Variants in MAPK8 observed in about 807,000 individuals in gnomAD.
The protein encoded by MAPK8 is JUN N-terminal kinase.
Under a neutral mutation model 52.9 loss-of-function variants are expected in MAPK8, and 13 were observed. The ratio of observed to expected loss-of-function variants is 0.25; its 90% CI spans 0.16 to 0.39. MAPK8 has a LOEUF of 0.39. Ranked by LOEUF, MAPK8 falls within the 10% of genes least tolerant of loss-of-function variation. MAPK8 has a pLI of 1.00. For missense variants in MAPK8, 300 were observed against 519.2 expected, an observed-to-expected ratio of 0.58 and a Z score of 4.10; for synonymous variants, 191 against 169.8, an observed-to-expected ratio of 1.12 and a Z score of -0.97.
chr10:48,423,761 A>T (rs2043504691), intron 6 of MAPK8, among the ~76,000 whole-genome samples: 1 of 152,172 alleles, frequency 6.6e-6, no homozygotes, highest in Non-Finnish European at 1.5e-5. Flanking sequence ...TTTTATTTAC[A>T]AAGTTTGTGT....
At chr10:48,424,569 G>T (rs779762614) in intron 7 of MAPK8, 2 of 1,599,200 alleles carry the variant, frequency 1.3e-6, no homozygotes, top group African/African-American at 1.4e-5. Context: ...GTGGTGTTTT[G>T]TTCCCAGGTA....
At chr10:48,421,570 C>T (rs776995803) in intron 6 of MAPK8, among the ~76,000 whole-genome samples, 13 of 152,042 alleles carry the variant, frequency 8.6e-5, no homozygotes, top group African/African-American at 3.1e-4. Context: ...TTTGGGAGGC[C>T]GAGGCTCGTG....
chr10:48,420,013 G>A (rs113472862), intron 5 of MAPK8, 142 bp from the exon 6 acceptor site: 31 of 506,930 alleles, frequency 6.1e-5, no homozygotes, highest in South Asian at 2.6e-4. Context: ...GCCTTTTAAC[G>A]ATGAATCAGT....
chr10:48,391,688 T>C (rs1411320149), intron 1 of MAPK8, among the ~76,000 whole-genome samples: 1 of 152,130 alleles, frequency 6.6e-6, no homozygotes, highest in East Asian at 1.9e-4. Flanking sequence ...CTGACACTAG[T>C]TACCTGGAGA....
intron 6 of MAPK8, among the ~76,000 whole-genome samples, chr10:48,421,985 C>T (rs1338847344): frequency 6.7e-6 from 1 of 150,222 alleles, no homozygotes; most frequent in Non-Finnish European, 1.5e-5. Flanking sequence ...TTTAATGACA[C>T]CTCACACTCA....
At chr10:48,412,934 C>T (rs188088579) in intron 5 of MAPK8, among the ~76,000 whole-genome samples, 155 of 152,264 alleles carry the variant, frequency 1.0e-3, no homozygotes, top group Non-Finnish European at 2.0e-3. Context: ...ACCCACCAGA[C>T]AGTAATTCCC....
intron 7 of MAPK8, chr10:48,425,416 T>A (rs1199686656): frequency 2.2e-6 from 1 of 446,294 alleles, no homozygotes; most frequent in Non-Finnish European, 3.9e-6. Context: ...CCTTTATTTT[T>A]ATTACAACTG....
intron 10 of MAPK8, among the ~76,000 whole-genome samples, chr10:48,427,676 T>C (rs1468472403): frequency 1.3e-5 from 2 of 152,150 alleles, no homozygotes; most frequent in Non-Finnish European, 2.9e-5. Flanking sequence ...GTATTTTTAG[T>C]AGAGACAGGG....
chr10:48,409,835 A>G, intron 3 of MAPK8, 44 bp from the exon 4 acceptor site: 2 of 1,296,764 alleles, frequency 1.5e-6, no homozygotes, highest in Non-Finnish European at 2.2e-6. Context: ...TTAAAATATT[A>G]TGAAGTAATT....
chr10:48,391,189 G>C (rs2041602861), intron 1 of MAPK8, among the ~76,000 whole-genome samples: 1 of 152,166 alleles, frequency 6.6e-6, no homozygotes, highest in African/African-American at 2.4e-5. Flanking sequence ...AGTAGTAACA[G>C]GTGAGATTTG....
At chr10:48,341,509 A>G (rs1845258612) in intron 1 of MAPK8, among the ~76,000 whole-genome samples, 1 of 152,228 alleles carries the variant, frequency 6.6e-6, no homozygotes, top group African/African-American at 2.4e-5. Context: ...AAAAATTAGA[A>G]ATGAAACACT....
At chr10:48,356,446 G>C (rs1458980356) in intron 1 of MAPK8, among the ~76,000 whole-genome samples, 2 of 152,122 alleles carry the variant, frequency 1.3e-5, no homozygotes, top group African/African-American at 4.8e-5. Context: ...AGATTAAGTA[G>C]AAAACAACGT....
chr10:48,336,178 A>T (rs1385524107), intron 1 of MAPK8, among the ~76,000 whole-genome samples: 1 of 152,156 alleles, frequency 6.6e-6, no homozygotes, highest in African/African-American at 2.4e-5. Flanking sequence ...AAAAAAAAGA[A>T]CCACAGATTA....
chr10:48,405,672 T>G (rs2042425878), intron 3 of MAPK8, among the ~76,000 whole-genome samples: 1 of 152,238 alleles, frequency 6.6e-6, no homozygotes, highest in Non-Finnish European at 1.5e-5. Context: ...TTTCTTCAGT[T>G]GAGGAAATAA....
chr10:48,420,259 TG>T lies in MAPK8; in HGVS notation c.556del (p.Val186Ter). On this transcript the variant is annotated frameshift_variant, in exon 6 of 12. Transcript: ENST00000374189. LOFTEE classifies it high-confidence loss of function. ...AGTSFMMTPY[V>X]VTRYYRAPEV... is the part of the protein sequence containing the mutation. ...GAACGAGTTTTATGATGACGCCTTA[TG>T]TAGTGACTCGCTACTACAGAGCACC... 1 of 1,613,962 alleles carries T rather than the reference TG, an allele frequency of 6.2e-7. No individual in the cohort carries two copies. Among genetic ancestry groups the T allele is most frequent in the Non-Finnish European group, 8.5e-7 (1 of 1,179,870 alleles).
chr10:48,311,269 A>G (rs1451187968), intron 1 of MAPK8, among the ~76,000 whole-genome samples: 6 of 152,232 alleles, frequency 3.9e-5, no homozygotes, highest in Non-Finnish European at 5.9e-5. Flanking sequence ...TTTAATGCAC[A>G]GTGTCCATTC....
chr10:48,392,324 T>TAA (rs977485722), intron 1 of MAPK8, among the ~76,000 whole-genome samples: 4 of 152,158 alleles, frequency 2.6e-5, no homozygotes, highest in Non-Finnish European at 1.5e-5. Context: ...TTCTGTTTTC[T>TAA]GAGGCCTGGA....
At chr10:48,432,319 A>G (rs867146550) in intron 11 of MAPK8, among the ~76,000 whole-genome samples, 4 of 152,240 alleles carry the variant, frequency 2.6e-5, no homozygotes. Context: ...TACTATAAAC[A>G]TAATTGTTTA....
chr10:48,329,529 T>A (rs1426186125), intron 1 of MAPK8, among the ~76,000 whole-genome samples: 1 of 152,102 alleles, frequency 6.6e-6, no homozygotes, highest in Non-Finnish European at 1.5e-5. Context: ...AAAAAAAAAT[T>A]AAATTCATTT....
Sources: allele counts gnomAD v4.1 joint callset (sites outside exome capture counted in the v4.1 genomes callset), GRCh38; gene constraint gnomAD v4.1.1; transcripts MANE v1.5; gene names NCBI Gene and HGNC (gene_info 2026-07-23, HGNC 2026-07-21).